Variants in HDAC2 observed in about 807,000 individuals in gnomAD.
The protein encoded by HDAC2 is histone deacetylase 2.
HDAC2 carries 5 observed loss-of-function variants against 68.5 expected under a neutral mutation model. The ratio of observed to expected loss-of-function variants is 0.07; its 90% CI spans 0.04 to 0.15. The LOEUF (loss-of-function observed/expected upper bound fraction) is 0.15. HDAC2 is among the 10% of genes least tolerant of loss of function. The probability of loss-of-function intolerance (pLI) is 1.00; values close to 1 mark genes in which losing one functional copy is unlikely to be tolerated. For synonymous variants in HDAC2, 182 were observed against 191.3 expected (o/e 0.95, Z 0.40); for missense variants, 291 against 600.8 (o/e 0.48, Z 5.39).
chr6:113,943,434 C>G lies in HDAC2; in HGVS notation c.1295G>C (p.Arg432Pro). The part of the protein sequence containing the change: ...SDSEDEGEGG[R>P]RNVADHKKGA... ...TTTCTTATGATCAGCCACATTTCTT[C>G]GACCTCCTTCTCCTTCATCCTCAGA... The change falls in exon 12 of 14, where the codon CGA (arginine) becomes CCA (proline). Residue 432 changes from arginine (R) to proline (P), a missense_variant. Physicochemically the swap from Arg to Pro is moderately radical, Grantham distance 103. This residue lies in a region of HDAC2 where 137 missense variants were observed against 128.7 expected (regional missense o/e 1.06). Coordinates refer to ENST00000519065, the MANE Select transcript of HDAC2 (RefSeq NM_001527.4). 1 of 1,610,650 alleles carries G rather than the reference C, an allele frequency of 6.2e-7. No individual in the cohort carries two copies. Among genetic ancestry groups the G allele is most frequent in the Non-Finnish European group, 8.5e-7 (1 of 1,179,030 alleles).
rs896136860 is a variant in HDAC2 at position 113,939,002 on chromosome 6, C to G, written c.*2056G>C. 14 of 152,300 alleles carry G rather than the reference C, an allele frequency of 9.2e-5. No homozygotes were observed. The highest frequency in any genetic ancestry group is 3.4e-4 in the African/African-American group (14 of 41,576). The allele number at this position is 152,300 out of a possible 1,614,324, so 9.4% of individuals were successfully genotyped here. ...TATGTTCACACAATGGAACATAATA[C>G]ATAGCAGTCAAAATGAACTATACTT... On this transcript the variant is annotated 3_prime_UTR_variant, in exon 14 of 14. Transcript: ENST00000519065.
At chr6:113,963,284 A>G (rs903888998) in intron 1 of HDAC2, among the ~76,000 whole-genome samples, 3 of 151,752 alleles carry the variant, frequency 2.0e-5, no homozygotes, top group Non-Finnish European at 2.9e-5. Context: ...GGGTATCTCC[A>G]TATTTGCCAG....
At chr6:113,964,763 A>C (rs1181739247) in intron 1 of HDAC2, among the ~76,000 whole-genome samples, 2 of 152,198 alleles carry the variant, frequency 1.3e-5, no homozygotes, top group Admixed American at 6.5e-5. Context: ...TTTCACTTGA[A>C]TTCAATAAGG....
At chr6:113,956,503 A>G (rs1776557953) in intron 4 of HDAC2, 116 bp downstream of exon 4, 1 of 738,126 alleles carries the variant, frequency 1.4e-6, no homozygotes, top group Non-Finnish European at 2.4e-6. Flanking sequence ...AAACATACTG[A>G]TTTCCTTTTG....
rs1475372935 is a variant in HDAC2, at chr6:113,971,049, G to A, written c.-141C>T. ...TCCCGCGGGGAAGGGCAGGCCGGTG[G>A]GAGGAGAGGAGGGGGCGCCGGGAAG... On this transcript the variant is annotated 5_prime_UTR_variant, in exon 1 of 14. Transcript: ENST00000519065. 6.4e-7 allele frequency: 1 copy of A among 1,564,840 alleles called. No homozygotes were observed.
rs117192089 is a variant in HDAC2, at chr6:113,956,366, T to C, written c.359-215A>G. 194 of 569,808 alleles carry C rather than the reference T, an allele frequency of 3.4e-4. No individual in the cohort carries two copies. The East Asian group carries it at 5.5e-3, about 16-fold the overall frequency. The allele number at this position is 569,808 out of a possible 1,614,324, so 35.3% of individuals were successfully genotyped here. A position where few individuals can be genotyped will look rare whatever the true frequency, so the allele number is the denominator to read the frequency against. ...ATTAAATAATGGTTTATGTGGAAAGTGGTAGTAACAATGATACCTAGAAGA... is the reference window on the plus strand; with the variant it reads ...ATTAAATAATGGTTTATGTGGAAAGCGGTAGTAACAATGATACCTAGAAGA... On this transcript the variant is annotated intron_variant, in intron 4 of 13. Transcript: ENST00000519065.
chr6:113,950,375 CTT>C (rs1358619029), intron 6 of HDAC2, among the ~76,000 whole-genome samples: 1 of 151,162 alleles, frequency 6.6e-6, no homozygotes, highest in Non-Finnish European at 1.5e-5. Flanking sequence ...GGGTGTGCCT[CTT>C]TGTTGTTTTT....
intron 10 of HDAC2, among the ~76,000 whole-genome samples, chr6:113,945,123 T>C (rs1378659313): frequency 2.0e-5 from 3 of 150,816 alleles, no homozygotes; most frequent in South Asian, 4.2e-4. Context: ...GGTGACAGGA[T>C]CACTTGAAGC....
chr6:113,970,966 G>GCTC lies in HDAC2; in HGVS notation c.-59_-58insGAG, dbSNP rs1554199038. 5.8e-6 allele frequency: 9 copies of GCTC among 1,564,700 alleles called. 1 individual carries two copies. In the South Asian group the frequency reaches 9.3e-5, roughly 16 times the overall value. ...TCCTCCTGCTGCTGCTGCTGCTGCT[G>GCTC]CTGCCGCCGCGGCTCGGCCGGGAGA... is the stretch of plus-strand genomic sequence containing the variant. On this transcript the variant is annotated 5_prime_UTR_variant, in exon 1 of 14. Coordinates refer to ENST00000519065, the MANE Select transcript of HDAC2 (RefSeq NM_001527.4).
intron 12 of HDAC2, among the ~76,000 whole-genome samples, chr6:113,942,763 C>T (rs1010990115): frequency 3.3e-5 from 5 of 152,214 alleles, no homozygotes; most frequent in East Asian, 3.9e-4. Flanking sequence ...TAACAGATTC[C>T]GGTAGCAAAT....
At chr6:113,969,058 T>C (rs1776907218) in intron 1 of HDAC2, among the ~76,000 whole-genome samples, 1 of 152,192 alleles carries the variant, frequency 6.6e-6, no homozygotes, top group South Asian at 2.1e-4. Flanking sequence ...CAATGTAATT[T>C]TACAAATTAA....
In HDAC2 at chr6:113,937,359, G is replaced by C. The variant is rs1331945912; in HGVS notation, c.*3699C>G. The C allele has an allele frequency of 6.6e-6, 1 of 152,214 alleles. No individual in the cohort carries two copies. The highest frequency in any genetic ancestry group is 1.5e-5 in the Non-Finnish European group (1 of 68,026). The allele number at this position is 152,214 out of a possible 1,614,324, so 9.4% of individuals were successfully genotyped here. ...ATAATTGCCCATTGACAGAATGCTA[G>C]CAGCTCTGGTAGAAGGGCAAAGCTT... On this transcript the variant is annotated 3_prime_UTR_variant, in exon 14 of 14. Coordinates refer to ENST00000519065, the MANE Select transcript of HDAC2 (RefSeq NM_001527.4).
Position 113,960,891 on chromosome 6 carries a change from G to A in HDAC2, c.53-873C>T, listed in dbSNP as rs190586998. ...AGATGGTGGTGTCTGCTGGAAACAC[G>A]TAGAGACTTTTTTTCCTTGTAATCT... On this transcript the variant is annotated intron_variant, in intron 1 of 13. Coordinates refer to ENST00000519065, the MANE Select transcript of HDAC2 (RefSeq NM_001527.4). 1.3e-3 allele frequency among the ~76,000 whole-genome samples: 205 copies of A among 152,200 alleles called. 1 individual carries two copies. Among genetic ancestry groups the A allele is most frequent in the African/African-American group, 3.2e-3 (134 of 41,578 alleles).
In HDAC2 at chr6:113,941,004, T is replaced by C. The variant is rs1776118368; in HGVS notation, c.*54A>G. 4.3e-6 allele frequency: 6 copies of C among 1,399,780 alleles called. No individual in the cohort carries two copies. The highest frequency in any genetic ancestry group is 1.8e-4 in the Middle Eastern group (1 of 5,640). The allele number at this position is 1,399,780 out of a possible 1,614,324, so 86.7% of individuals were successfully genotyped here. A position where few individuals can be genotyped will look rare whatever the true frequency, so the allele number is the denominator to read the frequency against. ...AGAAGTCTTCAAAAAGAAAACATTT[T>C]CCTTTCAATATTTTCTTTTTAATGA... On this transcript the variant is annotated 3_prime_UTR_variant, in exon 14 of 14. Transcript: ENST00000519065.
chr6:113,949,189 T>C lies in HDAC2; in HGVS notation c.711A>G (p.Ser237=). 12 of 1,609,148 alleles carry C rather than the reference T, an allele frequency of 7.5e-6. No individual in the cohort carries two copies. The highest frequency in any genetic ancestry group is 1.0e-5 in the Non-Finnish European group (12 of 1,175,480). Residue 237 remains serine, a synonymous_variant, in exon 7 of 14, where the codon TCA becomes TCG. Coordinates refer to ENST00000519065, the MANE Select transcript of HDAC2 (RefSeq NM_001527.4). ...FPMRDGIDDE[S]YGQIFKPIIS... is the part of the protein sequence containing the mutation. ...TTACAGGCTTAAATATCTGCCCATATGACTCATCATCTATACCATCTCTCA... is the reference window on the plus strand; with the variant it reads ...TTACAGGCTTAAATATCTGCCCATACGACTCATCATCTATACCATCTCTCA...
At position 113,961,510 on chromosome 6, in the gene HDAC2, T is replaced by C. The variant is rs555386434; in HGVS notation, c.53-1492A>G. ...GTGCCAACAAGGCTAAGAAACAATA[T>C]AGAGTTTAGCAAAGCAGGGCCATGG... On this transcript the variant is annotated intron_variant, in intron 1 of 13. Coordinates refer to ENST00000519065, the MANE Select transcript of HDAC2 (RefSeq NM_001527.4). 5.9e-5 allele frequency among the ~76,000 whole-genome samples: 9 copies of C among 152,236 alleles called. No individual in the cohort carries two copies. The East Asian group carries it at 1.4e-3, about 23-fold the overall frequency.
At chr6:113,968,370 G>T (rs779743606) in intron 1 of HDAC2, 1 of 152,004 alleles carries the variant, frequency 6.6e-6, no homozygotes, top group Non-Finnish European at 1.5e-5. Flanking sequence ...TCCTTTCCTT[G>T]CATTCTCTTC....
intron 8 of HDAC2, 21 bp downstream of exon 8, chr6:113,948,958 A>T: frequency 6.2e-7 from 1 of 1,605,856 alleles, no homozygotes; most frequent in South Asian, 1.1e-5. Context: ...TTCTGGAAAT[A>T]CCACCCTTTG....
In HDAC2 at chr6:113,933,193, AAG is replaced by A. The variant is rs1775931777; in HGVS notation, c.*7863_*7864del. The A allele has an allele frequency of 1.3e-5, 2 of 152,352 alleles. No individual in the cohort carries two copies. The highest frequency in any genetic ancestry group is 2.9e-5 in the Non-Finnish European group (2 of 68,036). 9.4% of individuals were successfully genotyped at this position (152,352 alleles called of 1,614,324 possible). A position where few individuals can be genotyped will look rare whatever the true frequency, so the allele number is the denominator to read the frequency against. Reference sequence around the variant, plus strand: ...CATGTTCTCATTCACTAAGTGATTAAAGTTAACATCATCAGTAATGAGAGAAA... The same window carrying A: ...CATGTTCTCATTCACTAAGTGATTAATTAACATCATCAGTAATGAGAGAAA... On this transcript the variant is annotated 3_prime_UTR_variant, in exon 14 of 14. Coordinates refer to ENST00000519065, the MANE Select transcript of HDAC2 (RefSeq NM_001527.4).
Sources: allele counts gnomAD v4.1 joint callset (sites outside exome capture counted in the v4.1 genomes callset), GRCh38; gene constraint gnomAD v4.1.1; regional missense constraint gnomAD v4.1.1; transcripts MANE v1.5; gene names NCBI Gene and HGNC (gene_info 2026-07-23, HGNC 2026-07-21).